OXA1L: variants seen among roughly 807,000 people sequenced by gnomAD.
OXA1L encodes OXA1L mitochondrial inner membrane insertase.
A neutral mutation model predicts 52.2 loss-of-function variants in OXA1L; 42 were observed. That is an observed-to-expected ratio of 0.80 (90% confidence interval 0.63 to 1.04). The LOEUF (loss-of-function observed/expected upper bound fraction) is 1.04, where lower values mean the gene tolerates loss of function less well. OXA1L is among the 50% of genes least tolerant of loss of function. The pLI, the probability that OXA1L is intolerant of heterozygous loss-of-function variation, is 0.00. For synonymous variants in OXA1L, 239 were observed against 201.9 expected (o/e 1.18, Z -1.56); for missense variants, 572 against 555.0 (o/e 1.03, Z -0.31).
intron 1 of OXA1L, 75 bp downstream of exon 1, chr14:22,766,839 AGG>A (rs1285236158): frequency 1.3e-6 from 2 of 1,592,872 alleles, no homozygotes; most frequent in Non-Finnish European, 1.7e-6. Context: ...AGCTCGTGCT[AGG>A]GGTATCAGCA....
chr14:22,768,360 CA>C (rs1426482978), intron 3 of OXA1L, 189 bp downstream of exon 3: 1 of 591,632 alleles, frequency 1.7e-6, no homozygotes, highest in Non-Finnish European at 3.0e-6. Context: ...ATAAAACCAC[CA>C]GATCATCTGG....
Position 22,767,378 on chromosome 14 carries a change from G to C in OXA1L, c.194G>C (p.Ser65Thr), listed in dbSNP as rs201009341. ...GCGGCTTCCGGCCCCCGCAGCCTCA[G>C]TACCTCTGCTATCTCTTTTGCAGAA... ...FLAASGPRSL[S>T]TSAISFAEVQ... is the part of the protein sequence containing the mutation. Residue 65 changes from serine to threonine, a missense_variant, in exon 2 of 10, where the codon AGT becomes ACT. By Grantham distance (58) the Ser-to-Thr change is moderately conservative (BLOSUM62 1). Transcript: ENST00000612549. The C allele has an allele frequency of 1.1e-4, 170 of 1,612,846 alleles. 1 individual carries two copies. In the Admixed American group the frequency reaches 2.1e-3, roughly 20 times the overall value.
In OXA1L at chr14:22,771,313, A is replaced by G. The variant is rs151207820; in HGVS notation, c.1148A>G (p.Gln383Arg). 112 of 1,614,198 alleles carry G rather than the reference A, an allele frequency of 6.9e-5. 1 individual carries two copies. In the Middle Eastern group the frequency reaches 2.6e-3, roughly 38 times the overall value. ...EMTRQLRERE[Q>R]RMRNQLELAA... The stretch of plus-strand genomic sequence containing the variant: ...ACGCGTCAGCTGCGAGAGCGTGAAC[A>G]ACGCATGCGGAATCAGTTGGAGCTA... The change falls in exon 9 of 10, where the codon CAA becomes CGA. Residue 383 changes from glutamine to arginine, a missense_variant. Physicochemically the swap from Gln to Arg is conservative, Grantham distance 43. This residue lies in a region of OXA1L where 244 missense variants were observed against 240.2 expected (regional missense o/e 1.02). Coordinates refer to ENST00000612549, the MANE Select transcript of OXA1L (RefSeq NM_005015.5).
At chr14:22,770,047 TA>T in intron 4 of OXA1L, 113 bp downstream of exon 4, 1 of 1,458,612 alleles carries the variant, frequency 6.9e-7, no homozygotes, top group Non-Finnish European at 9.5e-7. Context: ...GGGAAAGTTC[TA>T]AAGGTTTATC....
At position 22,772,967 on chromosome 14, in the gene OXA1L, G is replaced by C. The variant is rs2038498062; in HGVS notation, c.*1409G>C. 8.3e-6 allele frequency: 2 copies of C among 240,634 alleles called. No homozygotes were observed. The highest frequency in any genetic ancestry group is 1.1e-4 in the South Asian group (2 of 18,466). The allele number at this position is 240,634 out of a possible 1,614,324, so 14.9% of individuals were successfully genotyped here. On this transcript the variant is annotated 3_prime_UTR_variant, in exon 10 of 10. Coordinates refer to ENST00000612549, the MANE Select transcript of OXA1L (RefSeq NM_005015.5). The stretch of plus-strand genomic sequence containing the variant: ...ATCATGCTGCTATACTCCAGCCTTG[G>C]CTACAGAGCAAGATCCTGTCTCAAA...
chr14:22,767,005 G>A (rs1432075503), intron 1 of OXA1L: 1 of 1,534,974 alleles, frequency 6.5e-7, no homozygotes, highest in South Asian at 1.2e-5. Flanking sequence ...CTCGTTCTCA[G>A]GGCCCTCCGA....
Position 22,769,896 on chromosome 14 carries a change from G to T in OXA1L, c.545G>T (p.Arg182Leu). Residue 182 changes from arginine (R) to leucine (L), a missense_variant, in exon 4 of 10, where the codon CGA (arginine) becomes CTA (leucine). Arg to Leu is a moderately radical substitution (Grantham distance 102). Around this residue, in one of 5 missense-constraint regions of OXA1L, gnomAD observed 132 missense variants for 124.0 expected, o/e 1.06. Coordinates refer to ENST00000612549, the MANE Select transcript of OXA1L (RefSeq NM_005015.5). The part of the protein sequence containing the change: ...HLPEIQKFSS[R>L]IREAKLAGDH... ...CCAGAGATCCAGAAGTTTTCCAGTC[G>T]AATCAGAGAGGCCAAGTTAGCAGGA... 6.2e-7 allele frequency: 1 copy of T among 1,614,146 alleles called. No homozygotes were observed. Among genetic ancestry groups the T allele is most frequent in the Non-Finnish European group, 8.5e-7 (1 of 1,180,026 alleles).
In OXA1L at chr14:22,771,491, C is replaced by G; in HGVS notation, c.1241C>G (p.Pro414Arg). ...NPLLQPGKDN[P>R]PNIPSSSSKP... ...CTCCTACAACCTGGAAAGGATAACCCTCCCAATATCCCTAGCAGCAGCAGC... is the reference window on the plus strand; with the variant it reads ...CTCCTACAACCTGGAAAGGATAACCGTCCCAATATCCCTAGCAGCAGCAGC... The change falls in exon 10 of 10, where the codon CCT (proline) becomes CGT (arginine). Residue 414 changes from proline to arginine, a missense_variant. By Grantham distance (103) the Pro-to-Arg change is moderately radical (BLOSUM62 -2). Transcript: ENST00000612549. The G allele has an allele frequency of 6.2e-7, 1 of 1,609,484 alleles. No individual in the cohort carries two copies.
At chr14:22,767,699 G>C (rs1256659967) in intron 2 of OXA1L, 3 of 494,090 alleles carry the variant, frequency 6.1e-6, no homozygotes, top group Non-Finnish European at 1.1e-5. Flanking sequence ...TCAAATGGCT[G>C]AAGTTTGGAA....
Position 22,771,187 on chromosome 14 carries a change from G to T in OXA1L, c.1102+7G>T. On this transcript the variant is annotated splice_region_variant and intron_variant, in intron 8 of 9. Transcript: ENST00000612549. ...CTAGAGAGCTTCAAAAAAGGTAAGG[G>T]CTCATCCTCTGTGAAAAAGGACTAG... 10 of 1,613,812 alleles carry T rather than the reference G, an allele frequency of 6.2e-6. No individual in the cohort carries two copies. Among genetic ancestry groups the T allele is most frequent in the Non-Finnish European group, 8.5e-6 (10 of 1,179,754 alleles).
At position 22,768,131 on chromosome 14, in the gene OXA1L, T is replaced by C; in HGVS notation, c.399T>C (p.His133=). 1 of 1,614,200 alleles carries C rather than the reference T, an allele frequency of 6.2e-7. No homozygotes were observed. Among genetic ancestry groups the C allele is most frequent in the Non-Finnish European group, 8.5e-7 (1 of 1,180,024 alleles). Residue 133 remains histidine (H), a synonymous_variant, in exon 3 of 10, where the codon CAT becomes CAC. Coordinates refer to ENST00000612549, the MANE Select transcript of OXA1L (RefSeq NM_005015.5). ...GLIQNLLEFM[H]VDLGLPWWGA... ...TCCAGAATTTACTGGAATTTATGCA[T>C]GTTGATCTGGGCCTACCTTGGTGGG...
chr14:22,767,549 C>T (rs1003368965), intron 2 of OXA1L, 140 bp downstream of exon 2: 3 of 670,008 alleles, frequency 4.5e-6, no homozygotes, highest in Non-Finnish European at 7.4e-6. Context: ...GATAGCATCT[C>T]TGCTTAGGAT....
At position 22,772,510 on chromosome 14, in the gene OXA1L, A is replaced by AAAAAC. The variant is rs2038488284; in HGVS notation, c.*956_*957insCAAAA. The AAAAAC allele has an allele frequency of 1.9e-5, 2 of 107,928 alleles. No homozygotes were observed. The highest frequency in any genetic ancestry group is 2.2e-4 in the Admixed American group (2 of 9,160). 6.7% of individuals were successfully genotyped at this position (107,928 alleles called of 1,614,324 possible). On this transcript the variant is annotated 3_prime_UTR_variant, in exon 10 of 10. Transcript: ENST00000612549. ...TCTCAAAAAAAAAAAAAAAAAAAAA[A>AAAAAC]AAAAAAAAACAGTTTAAACTTCCAA... is the stretch of plus-strand genomic sequence containing the variant.
chr14:22,767,127 C>T (rs989809535), intron 1 of OXA1L, 121 bp from the exon 2 acceptor site: 174 of 1,535,112 alleles, frequency 1.1e-4, no homozygotes, highest in Middle Eastern at 1.7e-4. Flanking sequence ...ATAGCAATGT[C>T]CTCCCCTGTA....
chr14:22,767,418 C>T lies in OXA1L; in HGVS notation c.225+9C>T, dbSNP rs373094747. On this transcript the variant is annotated intron_variant, in intron 2 of 9. Transcript: ENST00000612549. ...CTTTTGCAGAAGTCCAGGTAAGAGG[C>T]CTTTCGTTCCTGCAATATTAGGAGT... 125 of 1,585,776 alleles carry T rather than the reference C, an allele frequency of 7.9e-5. 2 individuals carry two copies. The South Asian group carries it at 1.4e-3, about 17-fold the overall frequency.
intron 3 of OXA1L, 98 bp from the exon 4 acceptor site, chr14:22,769,688 ACAAGG>A: frequency 8.1e-7 from 1 of 1,238,280 alleles, no homozygotes; most frequent in Non-Finnish European, 1.2e-6. Flanking sequence ...CATAGAATGG[ACAAGG>A]CAAGAATAAG....
rs1208728761 is a variant in OXA1L at position 22,766,731 on chromosome 14, G to C, written c.30G>C (p.Arg10=). Residue 10 remains arginine, a synonymous_variant, in exon 1 of 10, where the codon CGG becomes CGC. Coordinates refer to ENST00000612549, the MANE Select transcript of OXA1L (RefSeq NM_005015.5). MAMGLMCGR[R]ELLRLLQSGR... ...CGATGGGACTAATGTGCGGACGCCGGGAGCTTCTGCGCTTGCTACAGTCCG... is the reference window on the plus strand; with the variant it reads ...CGATGGGACTAATGTGCGGACGCCGCGAGCTTCTGCGCTTGCTACAGTCCG... 6.2e-7 allele frequency: 1 copy of C among 1,614,258 alleles called. No individual in the cohort carries two copies. The highest frequency in any genetic ancestry group is 8.5e-7 in the Non-Finnish European group (1 of 1,180,044).
In OXA1L at chr14:22,772,428, G is replaced by A. The variant is rs1176271504; in HGVS notation, c.*870G>A. The stretch of plus-strand genomic sequence containing the variant: ...GGCGTGAACCCAGGAGGCAGAGCTT[G>A]CAGTGAGCCGAGATTGCGCCACTGC... On this transcript the variant is annotated 3_prime_UTR_variant, in exon 10 of 10. Transcript: ENST00000612549. 6.9e-6 allele frequency: 1 copy of A among 144,164 alleles called. No homozygotes were observed. The highest frequency in any genetic ancestry group is 1.5e-5 in the Non-Finnish European group (1 of 67,008). 8.9% of individuals were successfully genotyped at this position (144,164 alleles called of 1,614,324 possible).
rs951090934 is a variant in OXA1L, at chr14:22,772,324, A to C, written c.*766A>C. 2 of 145,496 alleles carry C rather than the reference A, an allele frequency of 1.4e-5. No individual in the cohort carries two copies. Among genetic ancestry groups the C allele is most frequent in the African/African-American group, 5.0e-5 (2 of 40,012 alleles). The allele number at this position is 145,496 out of a possible 1,614,324, so 9.0% of individuals were successfully genotyped here. The stretch of plus-strand genomic sequence containing the variant: ...ATGGTGAAACCCCGTCTCTACTAAA[A>C]AAAAAAAAAAAAAAATTAGCCGGGC... On this transcript the variant is annotated 3_prime_UTR_variant, in exon 10 of 10. Transcript: ENST00000612549.
Sources: allele counts gnomAD v4.1 joint callset, GRCh38; gene constraint gnomAD v4.1.1; regional missense constraint gnomAD v4.1.1; transcripts MANE v1.5; gene names NCBI Gene and HGNC (gene_info 2026-07-23, HGNC 2026-07-21).